Variants in INSC observed in about 807,000 individuals in gnomAD.
INSC encodes INSC spindle orientation adaptor protein.
In INSC, 67 loss-of-function variants were observed where a neutral mutation model predicts 58.6. That is an observed-to-expected ratio of 1.14 (90% CI 0.94 to 1.40). INSC has a LOEUF of 1.40. Ranked by LOEUF, INSC falls within the 40% of genes most tolerant of loss-of-function variation. The pLI, the probability that INSC is intolerant of heterozygous loss-of-function variation, is 0.00. For missense variants in INSC, 714 were observed against 692.0 expected (o/e 1.03, Z -0.36); for synonymous variants, 262 against 276.1 (o/e 0.95, Z 0.51).
rs146208606 is a variant in INSC, at chr11:15,209,856, T to G, written c.819+8907T>G. On this transcript the variant is annotated intron_variant, in intron 7 of 12. Transcript: ENST00000379556. ...CACTTGAAACAGCATGGCAGGATGC[T>G]GTGATCAGTTTCAGACCCTGATGAG... Among the ~76,000 whole-genome samples the G allele has an allele frequency of 5.2e-3, 798 of 152,262 alleles. 10 individuals carry two copies. The highest frequency in any genetic ancestry group is 8.8e-3 in the Non-Finnish European group (602 of 68,034).
rs1451043609 is a variant in INSC at position 15,149,123 on chromosome 11, T to C, written c.-45-7T>C. Reference sequence around the variant, plus strand: ...TCTCGTTGTGCCATCCTGCCCTCTATTTTCAGGGTCACGACCGCTGCAAGC... The same window carrying C: ...TCTCGTTGTGCCATCCTGCCCTCTACTTTCAGGGTCACGACCGCTGCAAGC... On this transcript the variant is annotated splice_polypyrimidine_tract_variant and splice_region_variant and intron_variant, in intron 1 of 12. Transcript: ENST00000379556. 2 of 1,599,004 alleles carry C rather than the reference T, an allele frequency of 1.3e-6. No homozygotes were observed. The highest frequency in any genetic ancestry group is 1.7e-6 in the Non-Finnish European group (2 of 1,172,940).
chr11:15,249,566 A>G (rs1397535400), downstream of INSC, among the ~76,000 whole-genome samples: 3 of 152,168 alleles, frequency 2.0e-5, no homozygotes. Flanking sequence ...TAGAGAAAGG[A>G]AGATAGAGAT....
intron 8 of INSC, among the ~76,000 whole-genome samples, chr11:15,222,356 A>G (rs1387936616): frequency 1.3e-5 from 2 of 151,894 alleles, no homozygotes; most frequent in Non-Finnish European, 2.9e-5. Context: ...TTTCTCTGGC[A>G]CTCTCTTTGT....
intron 10 of INSC, 39 bp downstream of exon 10, chr11:15,235,707 C>T: frequency 6.6e-7 from 1 of 1,526,216 alleles, no homozygotes; most frequent in Middle Eastern, 1.7e-4. Flanking sequence ...TGTGGATTAT[C>T]TGGATGTAGG....
At chr11:15,144,161 C>G (rs77574326) in intron 1 of INSC, among the ~76,000 whole-genome samples, 239 of 152,318 alleles carry the variant, frequency 1.6e-3, no homozygotes, top group African/African-American at 5.5e-3. Context: ...CAGGTTTCCA[C>G]TTCACTAAGA....
At chr11:15,219,763 T>A (rs934498935) in intron 7 of INSC, among the ~76,000 whole-genome samples, 1 of 152,190 alleles carries the variant, frequency 6.6e-6, no homozygotes, top group Non-Finnish European at 1.5e-5. Context: ...ATCCTATAGC[T>A]TCTTAGCAAC....
rs560168987 is a variant in INSC, at chr11:15,240,102, G to T, written c.1394-345G>T. ...CTTAACTCTCCTCAGTAAAGCCCTAGGAAATATTAGTAGAGTCTGTAGTTT... is the reference window on the plus strand; with the variant it reads ...CTTAACTCTCCTCAGTAAAGCCCTATGAAATATTAGTAGAGTCTGTAGTTT... On this transcript the variant is annotated intron_variant, in intron 11 of 12. Transcript: ENST00000379556. Among the ~76,000 whole-genome samples the T allele has an allele frequency of 2.0e-5, 3 of 152,240 alleles. No homozygotes were observed. In the South Asian group the frequency reaches 6.2e-4, roughly 32 times the overall value.
intron 2 of INSC, among the ~76,000 whole-genome samples, chr11:15,158,042 AT>A (rs1461543176): frequency 2.0e-5 from 3 of 151,950 alleles, no homozygotes; most frequent in Non-Finnish European, 4.4e-5. Flanking sequence ...TCACACTCAT[AT>A]CCTATCCTGT....
intron 7 of INSC, among the ~76,000 whole-genome samples, chr11:15,213,233 C>T (rs1851095581): frequency 6.6e-6 from 1 of 152,106 alleles, no homozygotes; most frequent in African/African-American, 2.4e-5. Context: ...GCACTCCAAC[C>T]TGGGCGACAG....
intron 7 of INSC, among the ~76,000 whole-genome samples, chr11:15,218,517 A>C (rs1200209933): frequency 6.6e-6 from 1 of 152,180 alleles, no homozygotes; most frequent in East Asian, 1.9e-4. Context: ...CTAAACATAC[A>C]GGTGTTCATT....
chr11:15,266,964 A>T, the INSC span, among the ~76,000 whole-genome samples: 6 of 151,950 alleles, frequency 3.9e-5, no homozygotes, highest in Non-Finnish European at 8.8e-5. Flanking sequence ...CTATTATTGC[A>T]TGTTTTATTC....
intron 4 of INSC, 82 bp from the exon 5 acceptor site, chr11:15,178,242 G>T (rs150223032): frequency 6.4e-7 from 1 of 1,553,338 alleles, no homozygotes; most frequent in Non-Finnish European, 8.7e-7. Flanking sequence ...GCTTGTAGCA[G>T]GTCCAGTTCT....
intron 2 of INSC, among the ~76,000 whole-genome samples, chr11:15,168,792 A>G (rs1193758512): frequency 6.6e-6 from 1 of 152,208 alleles, no homozygotes; most frequent in Non-Finnish European, 1.5e-5. Flanking sequence ...AAGGGGCTCA[A>G]GGGAGAGTTC....
At chr11:15,238,332 C>T (rs1241531598) in intron 10 of INSC, among the ~76,000 whole-genome samples, 1 of 152,134 alleles carries the variant, frequency 6.6e-6, no homozygotes, top group Non-Finnish European at 1.5e-5. Flanking sequence ...TTGATCTAGT[C>T]AATATCCAGC....
the INSC span, among the ~76,000 whole-genome samples, chr11:15,267,814 C>A: frequency 4.6e-5 from 7 of 151,916 alleles, no homozygotes; most frequent in Non-Finnish European, 1.0e-4. Context: ...TGATTGGATG[C>A]AAGACATTGT....
chr11:15,260,448 G>A, the INSC span, among the ~76,000 whole-genome samples: 1 of 152,156 alleles, frequency 6.6e-6, no homozygotes, highest in African/African-American at 2.4e-5. Flanking sequence ...AGATCTGGAT[G>A]TAAATCTCAG....
the INSC span, among the ~76,000 whole-genome samples, chr11:15,264,848 G>A: frequency 6.6e-6 from 1 of 152,086 alleles, no homozygotes; most frequent in Admixed American, 6.6e-5. Context: ...AGGCATGAGG[G>A]TGTGGACAAC....
chr11:15,126,166 G>A (rs1351629502), intron 1 of INSC, among the ~76,000 whole-genome samples: 1 of 152,188 alleles, frequency 6.6e-6, no homozygotes, highest in Non-Finnish European at 1.5e-5. Context: ...TTAAGAGGCT[G>A]AAACGAAAAT....
intron 6 of INSC, 83 bp downstream of exon 6, chr11:15,190,897 A>G (rs1850144060): frequency 2.2e-6 from 2 of 919,312 alleles, no homozygotes; most frequent in Non-Finnish European, 3.6e-6. Context: ...TAGCTGGCTC[A>G]CGAGGTCTGT....
Sources: allele counts gnomAD v4.1 joint callset (sites outside exome capture counted in the v4.1 genomes callset), GRCh38; gene constraint gnomAD v4.1.1; transcripts MANE v1.5; gene names NCBI Gene and HGNC (gene_info 2026-07-23, HGNC 2026-07-21).